Variants in NXPH1 observed in about 807,000 individuals in gnomAD.
NXPH1 encodes the protein neurexophilin 1.
NXPH1 carries 5 observed loss-of-function variants against 23.7 expected under a neutral mutation model. The observed-to-expected ratio is 0.21, with a 90% confidence interval of 0.11 to 0.44. The LOEUF (loss-of-function observed/expected upper bound fraction) is 0.44. Ranked by LOEUF, NXPH1 falls within the 20% of genes least tolerant of loss-of-function variation. The pLI, the probability that NXPH1 is intolerant of heterozygous loss-of-function variation, is 0.99. For synonymous variants in NXPH1, 144 were observed against 122.2 expected (o/e 1.18, Z -1.18); for missense variants, 324 against 321.6 (o/e 1.01, Z -0.06).
intron 2 of NXPH1, among the ~76,000 whole-genome samples, chr7:8,566,506 A>G (rs1188426471): frequency 6.6e-6 from 1 of 151,782 alleles, no homozygotes; most frequent in Admixed American, 6.6e-5. Context: ...GGTAGGTAGC[A>G]TCTAATGTGT....
chr7:8,638,356 G>A (rs1008473868), intron 2 of NXPH1, among the ~76,000 whole-genome samples: 4 of 152,234 alleles, frequency 2.6e-5, no homozygotes, highest in East Asian at 3.9e-4. Context: ...CATTCACTGC[G>A]GGCCAACAAC....
intron 2 of NXPH1, among the ~76,000 whole-genome samples, chr7:8,677,919 G>A (rs979929399): frequency 6.6e-6 from 1 of 150,806 alleles, no homozygotes; most frequent in Non-Finnish European, 1.5e-5. Flanking sequence ...AAGAATTAGT[G>A]TTTACATATA....
At chr7:8,666,162 G>C (rs1173086641) in intron 2 of NXPH1, among the ~76,000 whole-genome samples, 3 of 151,894 alleles carry the variant, frequency 2.0e-5, no homozygotes, top group Admixed American at 1.3e-4. Context: ...TCACCACTGA[G>C]TATGTTAGCT....
At chr7:8,660,206 A>G (rs1281058429) in intron 2 of NXPH1, among the ~76,000 whole-genome samples, 1 of 152,242 alleles carries the variant, frequency 6.6e-6, no homozygotes, top group Non-Finnish European at 1.5e-5. Context: ...ACTGCCAGAT[A>G]GGCATTAATT....
chr7:8,471,857 C>T (rs773535981), intron 2 of NXPH1, among the ~76,000 whole-genome samples: 1 of 151,924 alleles, frequency 6.6e-6, no homozygotes, highest in African/African-American at 2.4e-5. Flanking sequence ...TAACAAGTTA[C>T]AAAAACAGTA....
chr7:8,529,620 T>A (rs1375901934), intron 2 of NXPH1, among the ~76,000 whole-genome samples: 4 of 152,206 alleles, frequency 2.6e-5, no homozygotes, highest in African/African-American at 9.6e-5. Context: ...TTAAATTTAT[T>A]AACTCAATCA....
chr7:8,514,468 C>G (rs1013025890), intron 2 of NXPH1, among the ~76,000 whole-genome samples: 1 of 152,134 alleles, frequency 6.6e-6, no homozygotes, highest in Non-Finnish European at 1.5e-5. Flanking sequence ...CTACTATGGA[C>G]AAGCATTTGG....
rs114080845 is a variant in NXPH1 at position 8,471,356 on chromosome 7, C to A, written c.54+35589C>A. Reference sequence around the variant, plus strand: ...TGAAGAGTAAAAACTCTGGGTCACACGAATATCATTAACATAGAAGATATA... The same window carrying A: ...TGAAGAGTAAAAACTCTGGGTCACAAGAATATCATTAACATAGAAGATATA... On this transcript the variant is annotated intron_variant, in intron 2 of 2. Coordinates refer to ENST00000405863, the MANE Select transcript of NXPH1 (RefSeq NM_152745.3). 3.2e-3 allele frequency among the ~76,000 whole-genome samples: 488 copies of A among 152,086 alleles called. 2 individuals carry two copies. The highest frequency in any genetic ancestry group is 0.011 in the African/African-American group (464 of 41,468).
At chr7:8,619,599 T>C (rs1371404660) in intron 2 of NXPH1, among the ~76,000 whole-genome samples, 1 of 152,184 alleles carries the variant, frequency 6.6e-6, no homozygotes, top group East Asian at 1.9e-4. Flanking sequence ...CCTCACTGAC[T>C]CTTGTGGATT....
chr7:8,619,549 C>G (rs529139298), intron 2 of NXPH1, among the ~76,000 whole-genome samples: 1 of 152,244 alleles, frequency 6.6e-6, no homozygotes, highest in East Asian at 1.9e-4. Context: ...CCTCATTTTA[C>G]CCATGTGTCT....
intron 2 of NXPH1, among the ~76,000 whole-genome samples, chr7:8,680,407 T>G (rs1054590943): frequency 2.0e-5 from 3 of 152,208 alleles, no homozygotes; most frequent in Non-Finnish European, 2.9e-5. Flanking sequence ...AGATATGCAG[T>G]CTGTTCTTCC....
Position 8,467,138 on chromosome 7 carries a change from T to C in NXPH1, c.54+31371T>C, listed in dbSNP as rs554796120. 1.1e-4 allele frequency among the ~76,000 whole-genome samples: 16 copies of C among 152,320 alleles called. No homozygotes were observed. In the East Asian group the frequency reaches 2.3e-3, roughly 22 times the overall value. On this transcript the variant is annotated intron_variant, in intron 2 of 2. Coordinates refer to ENST00000405863, the MANE Select transcript of NXPH1 (RefSeq NM_152745.3). ...TGAATCTTGGAAAGTCTTCCTATTA[T>C]AGAGTACTTTCTTTTTTATATGAAA...
At position 8,580,734 on chromosome 7, in the gene NXPH1, C is replaced by CTT. The variant is rs57339152; in HGVS notation, c.54+144976_54+144977dup. Among the ~76,000 whole-genome samples the CTT allele has an allele frequency of 8.6e-3, 1,282 of 149,572 alleles. 24 individuals carry two copies. The highest frequency in any genetic ancestry group is 0.03 in the African/African-American group (1,222 of 40,632). On this transcript the variant is annotated intron_variant, in intron 2 of 2. Coordinates refer to ENST00000405863, the MANE Select transcript of NXPH1 (RefSeq NM_152745.3). ...CATGCAGGCTGAGTTGTGTTGGTCACTTTTTTTTTTCTTCTTATGCAGAGG... is the reference window on the plus strand; with the variant it reads ...CATGCAGGCTGAGTTGTGTTGGTCACTTTTTTTTTTTTCTTCTTATGCAGAGG...
chr7:8,648,853 T>C (rs937727164), intron 2 of NXPH1, among the ~76,000 whole-genome samples: 2 of 151,274 alleles, frequency 1.3e-5, no homozygotes, highest in African/African-American at 4.9e-5. Context: ...TCAATTCTTA[T>C]TGTAGTTTTT....
rs114294591 is a variant in NXPH1 at position 8,595,600 on chromosome 7, T to C, written c.55-155408T>C. ...GCTAGGCATTTGTTTGAAAAGTATT[T>C]GATAAAATCCAGTTTTTAATGCTGC... is the stretch of plus-strand genomic sequence containing the variant. On this transcript the variant is annotated intron_variant, in intron 2 of 2. Coordinates refer to ENST00000405863, the MANE Select transcript of NXPH1 (RefSeq NM_152745.3). Among the ~76,000 whole-genome samples the C allele has an allele frequency of 2.2e-3, 331 of 152,238 alleles. 2 individuals are homozygous for C. The highest frequency in any genetic ancestry group is 7.7e-3 in the African/African-American group (320 of 41,546).
chr7:8,567,875 G>A (rs1286344061), intron 2 of NXPH1, among the ~76,000 whole-genome samples: 2 of 151,752 alleles, frequency 1.3e-5, no homozygotes, highest in African/African-American at 2.4e-5. Context: ...TTTTCAGTGC[G>A]GCACTTAACA....
intron 2 of NXPH1, among the ~76,000 whole-genome samples, chr7:8,719,432 A>G (rs1240818125): frequency 2.6e-5 from 4 of 152,032 alleles, no homozygotes; most frequent in African/African-American, 9.7e-5. Flanking sequence ...TATGGCTTGG[A>G]TAGTACAACC....
intron 2 of NXPH1, among the ~76,000 whole-genome samples, chr7:8,478,078 A>C (rs183154235): frequency 9.0e-4 from 137 of 152,194 alleles, no homozygotes; most frequent in Non-Finnish European, 3.4e-4. Context: ...CATGATGACA[A>C]GGAGACATTG....
intron 2 of NXPH1, among the ~76,000 whole-genome samples, chr7:8,743,691 T>C (rs1414500332): frequency 6.0e-5 from 9 of 149,120 alleles, no homozygotes; most frequent in Non-Finnish European, 1.3e-4. Flanking sequence ...TTTCTTTTCT[T>C]TTTTTTTTTT....
Sources: allele counts gnomAD v4.1 joint callset (sites outside exome capture counted in the v4.1 genomes callset), GRCh38; gene constraint gnomAD v4.1.1; transcripts MANE v1.5; gene names NCBI Gene and HGNC (gene_info 2026-07-23, HGNC 2026-07-21).